The following DOCK4 variants were observed in gnomAD, a reference collection of about 807,000 sequenced individuals.
The protein encoded by DOCK4 is dedicator of cytokinesis 4.
DOCK4 carries 97 observed loss-of-function variants against 268.1 expected under a neutral mutation model. The observed-to-expected ratio is 0.36, with a 90% confidence interval of 0.31 to 0.43. DOCK4 has a LOEUF of 0.43. Ranked by LOEUF, DOCK4 falls within the 20% of genes least tolerant of loss-of-function variation. DOCK4 has a pLI of 1.00. For synonymous variants in DOCK4, 954 were observed against 887.2 expected (o/e 1.08, Z -1.34); for missense variants, 2,145 against 2,455.7 (o/e 0.87, Z 2.67).
At chr7:112,060,653 A>G (rs1244347836) in intron 1 of DOCK4, among the ~76,000 whole-genome samples, 2 of 152,166 alleles carry the variant, frequency 1.3e-5, no homozygotes, top group Admixed American at 1.3e-4. Context: ...AAGGAAGGAA[A>G]TTCTGACATA....
intron 19 of DOCK4, 53 bp from the exon 20 acceptor site, chr7:111,872,143 T>G: frequency 1.0e-6 from 1 of 985,916 alleles, no homozygotes; most frequent in Non-Finnish European, 1.4e-6. Context: ...AAGGTTTTCC[T>G]TTTTTTTTTG....
chr7:112,169,888 G>C (rs1024857803), intron 1 of DOCK4, among the ~76,000 whole-genome samples: 1 of 152,176 alleles, frequency 6.6e-6, no homozygotes, highest in Non-Finnish European at 1.5e-5. Flanking sequence ...GCACTCAAGA[G>C]AAGTTATAGT....
chr7:111,760,908 C>T (rs911051978), intron 39 of DOCK4, among the ~76,000 whole-genome samples: 1 of 152,010 alleles, frequency 6.6e-6, no homozygotes, highest in East Asian at 1.9e-4. Flanking sequence ...TTAGATATGA[C>T]GGATCTCTGA....
chr7:111,946,320 G>A (rs941096288), intron 8 of DOCK4, among the ~76,000 whole-genome samples: 5 of 152,050 alleles, frequency 3.3e-5, no homozygotes, highest in Non-Finnish European at 7.4e-5. Flanking sequence ...GTCAACAAAC[G>A]AACAGAAGAT....
chr7:111,796,735 A>G (rs1159141283), intron 30 of DOCK4, among the ~76,000 whole-genome samples: 2 of 152,214 alleles, frequency 1.3e-5, no homozygotes, highest in Non-Finnish European at 2.9e-5. Flanking sequence ...GCCTTGCCCA[A>G]AGGCAACACA....
At chr7:111,862,345 A>T (rs1805605921) in intron 23 of DOCK4, among the ~76,000 whole-genome samples, 1 of 151,990 alleles carries the variant, frequency 6.6e-6, no homozygotes, top group Admixed American at 6.6e-5. Flanking sequence ...TTTGTTAATG[A>T]TTTGCCATTA....
intron 16 of DOCK4, among the ~76,000 whole-genome samples, chr7:111,888,804 C>T (rs1043829614): frequency 1.4e-4 from 22 of 152,054 alleles, no homozygotes; most frequent in Admixed American, 8.5e-4. Flanking sequence ...AAAATTGCAG[C>T]GCTGTATGGA....
chr7:112,005,845 C>T (rs528907638), intron 1 of DOCK4, among the ~76,000 whole-genome samples: 6 of 152,302 alleles, frequency 3.9e-5, no homozygotes, highest in Non-Finnish European at 7.3e-5. Context: ...TTCTTGAACA[C>T]AGCAGTACTA....
intron 23 of DOCK4, among the ~76,000 whole-genome samples, chr7:111,854,935 A>C (rs992484202): frequency 1.3e-5 from 2 of 152,242 alleles, no homozygotes; most frequent in African/African-American, 4.8e-5. Flanking sequence ...TGATTCAAGA[A>C]GCAAAACACA....
intron 1 of DOCK4, among the ~76,000 whole-genome samples, chr7:112,179,952 T>C (rs1818875613): frequency 6.6e-6 from 1 of 152,140 alleles, no homozygotes; most frequent in Non-Finnish European, 1.5e-5. Flanking sequence ...GTCAATCTAG[T>C]TTTAAAACGG....
intron 7 of DOCK4, among the ~76,000 whole-genome samples, chr7:111,979,362 C>A (rs1258874818): frequency 2.6e-5 from 4 of 152,098 alleles, no homozygotes; most frequent in Non-Finnish European, 4.4e-5. Flanking sequence ...AGCATTGAGG[C>A]ATGTGTGGGC....
chr7:111,768,954 A>T (rs1797943027), intron 37 of DOCK4, among the ~76,000 whole-genome samples: 1 of 152,074 alleles, frequency 6.6e-6, no homozygotes, highest in Non-Finnish European at 1.5e-5. Context: ...TTAGGTCATG[A>T]GGGTAGAGCC....
intron 1 of DOCK4, among the ~76,000 whole-genome samples, chr7:112,187,069 T>C (rs1261607881): frequency 6.6e-6 from 1 of 152,166 alleles, no homozygotes; most frequent in Non-Finnish European, 1.5e-5. Flanking sequence ...CATGATAGAC[T>C]AGCATTTATC....
In DOCK4 at chr7:111,921,599, G is replaced by C. The variant is rs1793143425; in HGVS notation, c.1067-5695C>G. On this transcript the variant is annotated intron_variant, in intron 12 of 52. Coordinates refer to ENST00000428084, the MANE Select transcript of DOCK4 (RefSeq NM_001363540.2). ...GGATAAATACATGTTGTTACTAAGT[G>C]TGCAGTTTAAGAATCATATCATATG... Among the ~76,000 whole-genome samples, 4 of 152,274 alleles carry C rather than the reference G, an allele frequency of 2.6e-5. No homozygotes were observed. The South Asian group carries it at 8.3e-4, about 32-fold the overall frequency.
intron 39 of DOCK4, among the ~76,000 whole-genome samples, chr7:111,764,362 A>C (rs962410154): frequency 2.0e-5 from 3 of 152,196 alleles, no homozygotes; most frequent in Non-Finnish European, 4.4e-5. Flanking sequence ...AAACATCAAA[A>C]TATTTCTGTA....
chr7:111,984,581 A>G (rs1447492679), intron 6 of DOCK4, among the ~76,000 whole-genome samples, 191 bp from the exon 7 acceptor site: 1 of 152,208 alleles, frequency 6.6e-6, no homozygotes, highest in Non-Finnish European at 1.5e-5. Flanking sequence ...AACTTAAAAC[A>G]TAGAAGGTGA....
intron 14 of DOCK4, 33 bp from the exon 15 acceptor site, chr7:111,900,569 AG>A: frequency 6.3e-7 from 1 of 1,585,724 alleles, no homozygotes; most frequent in Non-Finnish European, 8.6e-7. Flanking sequence ...GGTTAAAGAG[AG>A]CTTCATCTAA....
chr7:111,872,182 T>C (rs1329860922), intron 19 of DOCK4, 87 bp downstream of exon 19: 1 of 1,362,412 alleles, frequency 7.3e-7, no homozygotes, highest in Admixed American at 2.5e-5. Context: ...TCTTACATTA[T>C]TAAGCACATG....
At chr7:112,034,597 C>G (rs947390880) in intron 1 of DOCK4, among the ~76,000 whole-genome samples, 8 of 152,122 alleles carry the variant, frequency 5.3e-5, no homozygotes, top group African/African-American at 1.9e-4. Flanking sequence ...TGGGCAGGGG[C>G]CTAGGGTATT....
Sources: gnomAD v4.1 joint callset for allele counts (sites outside exome capture counted in the v4.1 genomes callset) on GRCh38, gnomAD v4.1.1 for gene constraint, MANE v1.5 for transcripts, NCBI Gene and HGNC (gene_info 2026-07-23, HGNC 2026-07-21) for gene names.